Variants in CNTNAP2 observed in about 807,000 individuals in gnomAD.
The protein encoded by CNTNAP2 is contactin-associated protein-like 2.
Under a neutral mutation model 155.2 loss-of-function variants are expected in CNTNAP2, and 98 were observed. The ratio of observed to expected loss-of-function variants is 0.63; its 90% CI spans 0.54 to 0.75. The LOEUF is 0.75. Among genes scored for constraint, CNTNAP2 ranks in the 30% least tolerant of loss-of-function variants. CNTNAP2 has a pLI of 0.00. For synonymous variants in CNTNAP2, 651 were observed against 631.2 expected, an observed-to-expected ratio of 1.03 and a Z score of -0.47; for missense variants, 1,727 against 1,688.1, an observed-to-expected ratio of 1.02 and a Z score of -0.40.
At chr7:148,158,854 T>G (rs1369111868) in intron 17 of CNTNAP2, among the ~76,000 whole-genome samples, 1 of 152,226 alleles carries the variant, frequency 6.6e-6, no homozygotes, top group Non-Finnish European at 1.5e-5. Flanking sequence ...TATACAGATT[T>G]TTTATCTTTC....
At chr7:146,920,019 T>C (rs1796469457) in intron 3 of CNTNAP2, among the ~76,000 whole-genome samples, 1 of 152,136 alleles carries the variant, frequency 6.6e-6, no homozygotes, top group South Asian at 2.1e-4. Context: ...ATTTAATACA[T>C]AATAATAAGA....
At chr7:147,142,001 C>A (rs1801607634) in intron 8 of CNTNAP2, among the ~76,000 whole-genome samples, 1 of 152,172 alleles carries the variant, frequency 6.6e-6, no homozygotes, top group Non-Finnish European at 1.5e-5. Context: ...TCTAGATACA[C>A]AATCATGTCA....
At chr7:146,838,125 T>C (rs1408479587) in intron 2 of CNTNAP2, among the ~76,000 whole-genome samples, 1 of 152,124 alleles carries the variant, frequency 6.6e-6, no homozygotes, top group Non-Finnish European at 1.5e-5. Context: ...TTGTAATATG[T>C]TTCCGTTTCA....
At chr7:147,980,933 CAAAAAA>C (rs34927518) in intron 15 of CNTNAP2, among the ~76,000 whole-genome samples, 5 of 93,986 alleles carry the variant, frequency 5.3e-5, no homozygotes, top group African/African-American at 1.3e-4. Flanking sequence ...TCCATCTTAA[CAAAAAA>C]AAAAAAAAAA....
intron 8 of CNTNAP2, among the ~76,000 whole-genome samples, chr7:147,272,734 C>G (rs1804784277): frequency 6.6e-6 from 1 of 150,814 alleles, no homozygotes; most frequent in Non-Finnish European, 1.5e-5. Context: ...CTCTCGATCT[C>G]CTGACATCAT....
intron 1 of CNTNAP2, among the ~76,000 whole-genome samples, chr7:146,314,130 T>C (rs1221522198): frequency 1.3e-5 from 2 of 152,246 alleles, no homozygotes; most frequent in Non-Finnish European, 2.9e-5. Flanking sequence ...CGTCATTTCC[T>C]ATTATGTATT....
intron 10 of CNTNAP2, among the ~76,000 whole-genome samples, chr7:147,436,849 C>CT (rs1464937336): frequency 6.6e-6 from 1 of 152,112 alleles, no homozygotes; most frequent in Non-Finnish European, 1.5e-5. Context: ...CCCTTTAATG[C>CT]TTTTATTTCA....
chr7:147,413,508 G>A (rs1480991005), intron 10 of CNTNAP2, among the ~76,000 whole-genome samples: 1 of 152,246 alleles, frequency 6.6e-6, no homozygotes, highest in Non-Finnish European at 1.5e-5. Flanking sequence ...AGGGATTAGT[G>A]AGAGAGCAGT....
chr7:147,470,310 T>A, intron 10 of CNTNAP2, among the ~76,000 whole-genome samples: 1 of 150,086 alleles, frequency 6.7e-6, no homozygotes, highest in Non-Finnish European at 1.5e-5. Context: ...GGTAGTGTCT[T>A]GGATTAGGGT....
At chr7:146,700,989 C>T (rs1563194341) in intron 1 of CNTNAP2, among the ~76,000 whole-genome samples, 2 of 151,716 alleles carry the variant, frequency 1.3e-5, no homozygotes, top group Admixed American at 6.6e-5. Context: ...GAGAACAGGA[C>T]AAATGTTTAG....
chr7:146,493,657 C>A (rs1392483932), intron 1 of CNTNAP2, among the ~76,000 whole-genome samples: 3 of 151,964 alleles, frequency 2.0e-5, no homozygotes, highest in Non-Finnish European at 2.9e-5. Flanking sequence ...GTTAAGAGAG[C>A]CTCACTTTCT....
intron 15 of CNTNAP2, among the ~76,000 whole-genome samples, chr7:148,102,407 C>A (rs756645605): frequency 3.9e-5 from 6 of 152,148 alleles, no homozygotes; most frequent in Non-Finnish European, 7.3e-5. Context: ...CATGTCATTG[C>A]TGTTGTGAAT....
intron 11 of CNTNAP2, among the ~76,000 whole-genome samples, chr7:147,558,517 AG>A (rs1183029513): frequency 1.3e-5 from 2 of 152,158 alleles, no homozygotes; most frequent in Middle Eastern, 3.2e-3. Context: ...GGTGAAATCC[AG>A]GAATTTCTGT....
chr7:146,270,497 C>T (rs1800063922), intron 1 of CNTNAP2, among the ~76,000 whole-genome samples: 2 of 152,034 alleles, frequency 1.3e-5, no homozygotes, highest in South Asian at 4.2e-4. Flanking sequence ...TTAGCCCATT[C>T]CATTTTATTC....
chr7:146,580,935 C>A (rs543509636), intron 1 of CNTNAP2, among the ~76,000 whole-genome samples: 21 of 152,152 alleles, frequency 1.4e-4, no homozygotes, highest in Non-Finnish European at 2.2e-4. Flanking sequence ...TGTGAAAAAT[C>A]ACCCCAAGAA....
intron 10 of CNTNAP2, among the ~76,000 whole-genome samples, chr7:147,463,340 T>C (rs1371117968): frequency 6.6e-6 from 1 of 152,204 alleles, no homozygotes; most frequent in East Asian, 1.9e-4. Flanking sequence ...TTTGATTCTT[T>C]TTGGGCTTGA....
intron 13 of CNTNAP2, among the ~76,000 whole-genome samples, chr7:147,733,331 G>T (rs1207168211): frequency 6.6e-6 from 1 of 152,186 alleles, no homozygotes; most frequent in Non-Finnish European, 1.5e-5. Flanking sequence ...GATAGTTGTA[G>T]ATGTGTGGTA....
At chr7:147,821,918 T>G (rs13223313) in intron 13 of CNTNAP2, among the ~76,000 whole-genome samples, 11,344 of 152,208 alleles carry the variant, frequency 0.075, 459 homozygotes, top group East Asian at 0.15. Flanking sequence ...ACAAAAAGCA[T>G]TCATTTTATT....
intron 7 of CNTNAP2, among the ~76,000 whole-genome samples, chr7:147,131,859 ATC>A (rs1279746069): frequency 1.3e-5 from 2 of 152,020 alleles, no homozygotes; most frequent in African/African-American, 4.8e-5. Flanking sequence ...AGGACAGAGC[ATC>A]TCTCTCCCTG....
Sources: allele counts gnomAD v4.1 joint callset (sites outside exome capture counted in the v4.1 genomes callset), GRCh38; gene constraint gnomAD v4.1.1; transcripts MANE v1.5; gene names NCBI Gene and HGNC (gene_info 2026-07-23, HGNC 2026-07-21).